Variants in RHOBTB3 observed in about 807,000 individuals in gnomAD.
RHOBTB3 encodes rho-related BTB domain-containing protein 3.
A neutral mutation model predicts 67.2 loss-of-function variants in RHOBTB3; 47 were observed. The observed-to-expected ratio is 0.70, with a 90% CI of 0.55 to 0.89. The LOEUF is 0.89. Ranked by LOEUF, RHOBTB3 falls within the 40% of genes least tolerant of loss-of-function variation. The pLI is 0.00. For missense variants in RHOBTB3, 631 were observed against 750.0 expected (o/e 0.84, Z 1.85); for synonymous variants, 273 against 274.2 (o/e 1.00, Z 0.04).
chr5:95,763,307 G>C (rs1486830116), intron 6 of RHOBTB3, among the ~76,000 whole-genome samples: 1 of 152,166 alleles, frequency 6.6e-6, no homozygotes, highest in Non-Finnish European at 1.5e-5. Context: ...TTCAGATTTT[G>C]AGAAATAATT....
intron 8 of RHOBTB3, 67 bp from the exon 9 acceptor site, chr5:95,780,185 G>A: frequency 2.2e-6 from 3 of 1,379,102 alleles, no homozygotes; most frequent in Non-Finnish European, 3.0e-6. Context: ...TAATTAGAAG[G>A]AAAATTGCTG....
In RHOBTB3 at chr5:95,731,376, G is replaced by A; in HGVS notation, c.-307G>A. 1 of 1,157,968 alleles carries A rather than the reference G, an allele frequency of 8.6e-7. No individual in the cohort carries two copies. The highest frequency in any genetic ancestry group is 4.2e-5 in the South Asian group (1 of 23,576). 71.7% of individuals were successfully genotyped at this position (1,157,968 alleles called of 1,614,324 possible). ...CTGCCAGCCGAGGAGGCGCGGCGGA[G>A]AGGGGACTGCGGTCAGCTGCGTCCA... On this transcript the variant is annotated 5_prime_UTR_variant, in exon 1 of 12. Transcript: ENST00000379982.
chr5:95,783,877 T>G lies in RHOBTB3; in HGVS notation c.1537T>G (p.Phe513Val), dbSNP rs1746141674. The change falls in exon 10 of 12, where the codon TTC becomes GTC. Residue 513 changes from phenylalanine (F) to valine (V), a missense_variant. Coordinates refer to ENST00000379982, the MANE Select transcript of RHOBTB3 (RefSeq NM_014899.4). ...CAGACTGCAGCACATCTGTGAGCTGTTCATCATTACCCAGCTGCAGAGCAT... is the reference window on the plus strand; with the variant it reads ...CAGACTGCAGCACATCTGTGAGCTGGTCATCATTACCCAGCTGCAGAGCAT... ...VSRLQHICEL[F>V]IITQLQSMPS... 3.7e-6 allele frequency: 6 copies of G among 1,613,954 alleles called. No homozygotes were observed. Among genetic ancestry groups the G allele is most frequent in the Non-Finnish European group, 5.1e-6 (6 of 1,179,876 alleles).
chr5:95,752,079 A>G (rs1260531368), intron 4 of RHOBTB3, among the ~76,000 whole-genome samples, 160 bp from the exon 5 acceptor site: 2 of 152,210 alleles, frequency 1.3e-5, no homozygotes, highest in African/African-American at 4.8e-5. Flanking sequence ...CACTCGATTC[A>G]TTTTTTAAAT....
chr5:95,725,192 A>G (rs1343251737), intron 1 of RHOBTB3, among the ~76,000 whole-genome samples: 1 of 152,188 alleles, frequency 6.6e-6, no homozygotes, highest in Non-Finnish European at 1.5e-5. Flanking sequence ...GGTGGCATAT[A>G]TTTTCATTGG....
intron 4 of RHOBTB3, among the ~76,000 whole-genome samples, chr5:95,749,527 T>C (rs887266792): frequency 2.0e-5 from 3 of 152,348 alleles, no homozygotes; most frequent in African/African-American, 7.2e-5. Context: ...ATATTATCGA[T>C]GACTGTGAGA....
At chr5:95,729,150 G>A (rs142639286), upstream of RHOBTB3, among the ~76,000 whole-genome samples, 1,416 of 152,314 alleles carry the variant, frequency 9.3e-3, 13 homozygotes, top group South Asian at 0.015. Flanking sequence ...TCTGCCTATG[G>A]AGTAGCCATT....
chr5:95,777,254 C>CT (rs35135705), intron 8 of RHOBTB3, among the ~76,000 whole-genome samples: 4 of 152,170 alleles, frequency 2.6e-5, no homozygotes, highest in African/African-American at 7.2e-5. Flanking sequence ...GGTAGGTATC[C>CT]TTTTTTAGGA....
rs564985368 is a variant in RHOBTB3, at chr5:95,793,401, G to A, written c.*227G>A. 1.4e-5 allele frequency: 5 copies of A among 349,586 alleles called. No individual in the cohort carries two copies. In the East Asian group the frequency reaches 2.3e-4, roughly 16 times the overall value. The allele number at this position is 349,586 out of a possible 1,614,324, so 21.7% of individuals were successfully genotyped here. On this transcript the variant is annotated 3_prime_UTR_variant, in exon 12 of 12. Transcript: ENST00000379982. ...TAAGGCTTTCACTCTAGAATGCAAA[G>A]CTGTTTTGCAGCTGTTTTCCCTTAA... is the stretch of plus-strand genomic sequence containing the variant.
At position 95,784,553 on chromosome 5, in the gene RHOBTB3, G is replaced by A. The variant is rs1013506300; in HGVS notation, c.1623+590G>A. Among the ~76,000 whole-genome samples, 4 of 151,916 alleles carry A rather than the reference G, an allele frequency of 2.6e-5. No individual in the cohort carries two copies. In the South Asian group the frequency reaches 6.2e-4, roughly 24 times the overall value. ...CTTCTTCTGGGCCTCTTGTAAGCTC[G>A]GAGTCTTTTGTTTTCAATAATTATA... is the stretch of plus-strand genomic sequence containing the variant. On this transcript the variant is annotated intron_variant, in intron 10 of 11. Transcript: ENST00000379982.
At chr5:95,745,849 T>C (rs558824805) in intron 3 of RHOBTB3, among the ~76,000 whole-genome samples, 3 of 152,172 alleles carry the variant, frequency 2.0e-5, no homozygotes, top group South Asian at 4.1e-4. Flanking sequence ...GTTCTACTGC[T>C]ATAACCAATA....
intron 10 of RHOBTB3, among the ~76,000 whole-genome samples, chr5:95,787,636 G>A (rs1002970380): frequency 6.6e-6 from 1 of 152,234 alleles, no homozygotes; most frequent in Non-Finnish European, 1.5e-5. Flanking sequence ...TAAACAAAAT[G>A]TGGTATATAT....
At chr5:95,768,320 C>T (rs1352925978) in intron 8 of RHOBTB3, among the ~76,000 whole-genome samples, 154 bp downstream of exon 8, 1 of 152,100 alleles carries the variant, frequency 6.6e-6, no homozygotes, top group Non-Finnish European at 1.5e-5. Context: ...ACAAAATCTT[C>T]CAGGTAAATA....
At chr5:95,760,462 A>G (rs1008843895) in intron 6 of RHOBTB3, among the ~76,000 whole-genome samples, 2 of 152,222 alleles carry the variant, frequency 1.3e-5, no homozygotes, top group Non-Finnish European at 2.9e-5. Context: ...GATGGCCCTT[A>G]GAGTTTCACA....
intron 4 of RHOBTB3, among the ~76,000 whole-genome samples, chr5:95,752,014 C>T (rs928258470): frequency 6.6e-6 from 1 of 152,210 alleles, no homozygotes; most frequent in Non-Finnish European, 1.5e-5. Context: ...TGATTAATAA[C>T]AATTCCTTCT....
At chr5:95,769,073 A>G in intron 8 of RHOBTB3, 1 of 360,240 alleles carries the variant, frequency 2.8e-6, no homozygotes, top group Non-Finnish European at 5.5e-6. Flanking sequence ...GCTTATGCCA[A>G]ACATGTAAAA....
At chr5:95,741,928 T>C (rs903334436) in intron 3 of RHOBTB3, among the ~76,000 whole-genome samples, 8 of 152,224 alleles carry the variant, frequency 5.3e-5, no homozygotes, top group African/African-American at 1.7e-4. Context: ...TATTTTAAAT[T>C]CAGTATTTTG....
intron 3 of RHOBTB3, among the ~76,000 whole-genome samples, chr5:95,739,916 A>G (rs1192131128): frequency 6.6e-6 from 1 of 152,192 alleles, no homozygotes; most frequent in Non-Finnish European, 1.5e-5. Context: ...GTCTTTGGTC[A>G]TCTCTTCATA....
In RHOBTB3 at chr5:95,780,398, T is replaced by C. The variant is rs1027913373; in HGVS notation, c.1429T>C (p.Tyr477His). The C allele has an allele frequency of 5.0e-6, 8 of 1,614,086 alleles. No individual in the cohort carries two copies. The highest frequency in any genetic ancestry group is 6.8e-6 in the Non-Finnish European group (8 of 1,179,898). Residue 477 changes from tyrosine to histidine, a missense_variant, in exon 9 of 12, where the codon TAC becomes CAC. Transcript: ENST00000379982. ...SKETFLSFLEYLYTDSCCPAG... is the reference protein window; with the variant it reads ...SKETFLSFLEHLYTDSCCPAG... ...AGAGACTTTCTTGTCATTTTTAGAA[T>C]ACCTGTACACAGACTCCTGCTGCCC...
Sources: gnomAD v4.1 joint callset for allele counts (sites outside exome capture counted in the v4.1 genomes callset) on GRCh38, gnomAD v4.1.1 for gene constraint, MANE v1.5 for transcripts, NCBI Gene and HGNC (gene_info 2026-07-23, HGNC 2026-07-21) for gene names.